C12orf42: variants seen among roughly 807,000 people sequenced by gnomAD.
C12orf42 encodes the protein chromosome 12 open reading frame 42.
Under a neutral mutation model 21.6 loss-of-function variants are expected in C12orf42, and 25 were observed. The observed-to-expected ratio is 1.16, with a 90% confidence interval of 0.84 to 1.62. C12orf42 has a LOEUF of 1.62. C12orf42 is among the 40% of genes most tolerant of loss of function. The probability of loss-of-function intolerance (pLI) is 0.00; values close to 1 mark genes in which losing one functional copy is unlikely to be tolerated. For synonymous variants in C12orf42, 174 were observed against 175.0 expected, an observed-to-expected ratio of 0.99 and a Z score of 0.05; for missense variants, 483 against 459.3, an observed-to-expected ratio of 1.05 and a Z score of -0.47.
the C12orf42 span, among the ~76,000 whole-genome samples, chr12:103,152,703 A>C: frequency 2.0e-5 from 3 of 152,156 alleles, no homozygotes; most frequent in African/African-American, 4.8e-5. Context: ...TATAGTAATC[A>C]TATTTTGTGG....
At chr12:103,500,509 T>A (rs1014843847), upstream of C12orf42, among the ~76,000 whole-genome samples, 1 of 152,192 alleles carries the variant, frequency 6.6e-6, no homozygotes, top group Non-Finnish European at 1.5e-5. Flanking sequence ...AACAAAGATA[T>A]GCTCACACAA....
the C12orf42 span, among the ~76,000 whole-genome samples, chr12:103,508,267 G>A: frequency 2.0e-5 from 3 of 152,126 alleles, no homozygotes; most frequent in African/African-American, 4.8e-5. Context: ...AGAATAGAAG[G>A]TGGCCATACG....
chr12:103,410,810 T>G (rs2048783905), intron 2 of C12orf42, among the ~76,000 whole-genome samples: 1 of 152,214 alleles, frequency 6.6e-6, no homozygotes, highest in African/African-American at 2.4e-5. Flanking sequence ...AGACTCTGTA[T>G]GTTCATGTCT....
intron 2 of C12orf42, among the ~76,000 whole-genome samples, chr12:103,468,792 T>C (rs1437734656): frequency 6.6e-6 from 1 of 152,210 alleles, no homozygotes; most frequent in Non-Finnish European, 1.5e-5. Context: ...TTTTCCCTTT[T>C]TGTAGAACTA....
chr12:103,094,469 A>G, the C12orf42 span, among the ~76,000 whole-genome samples: 1 of 152,130 alleles, frequency 6.6e-6, no homozygotes, highest in African/African-American at 2.4e-5. Context: ...AGGTATTTCT[A>G]GGTATTCATT....
intron 1 of C12orf42, among the ~76,000 whole-genome samples, chr12:103,491,929 A>G (rs919107007): frequency 6.7e-6 from 1 of 148,786 alleles, no homozygotes. Flanking sequence ...CCAACTTGTT[A>G]GAAACTCCTT....
At position 103,467,570 on chromosome 12, in the gene C12orf42, G is replaced by A. The variant is rs563705877; in HGVS notation, c.78+10779C>T. Among the ~76,000 whole-genome samples the A allele has an allele frequency of 6.6e-5, 10 of 152,230 alleles. No individual in the cohort carries two copies. The East Asian group carries it at 1.7e-3, about 26-fold the overall frequency. ...GACCCGCTGGAGGGTAGAACAGGTG[G>A]GTTGATGTCTGCTATATTTCCTCTT... On this transcript the variant is annotated intron_variant, in intron 2 of 5. Coordinates refer to ENST00000548883, the MANE Select transcript of C12orf42 (RefSeq NM_198521.5).
At chr12:103,191,541 T>C in the C12orf42 span, among the ~76,000 whole-genome samples, 4 of 24,270 alleles carry the variant, frequency 1.6e-4, no homozygotes, top group Non-Finnish European at 2.7e-4. Flanking sequence ...ACCTCCACTC[T>C]ACAAAAAAAA....
intron 2 of C12orf42, among the ~76,000 whole-genome samples, chr12:103,477,515 T>C (rs1954149161): frequency 6.6e-6 from 1 of 152,032 alleles, no homozygotes; most frequent in African/African-American, 2.4e-5. Context: ...CAAATGTGAT[T>C]AAGAACCTTG....
In C12orf42 at chr12:103,306,004, G is replaced by C; in HGVS notation, c.601C>G (p.Gln201Glu). Residue 201 changes from glutamine to glutamate, a missense_variant, in exon 5 of 6, where the codon CAG (glutamine) becomes GAG (glutamate). Coordinates refer to ENST00000548883, the MANE Select transcript of C12orf42 (RefSeq NM_198521.5). ...HISRHTRPKG[Q>E]PLSSPKKNSG... ...TTTTTCTTGGGACTGCTCAAGGGCT[G>C]GCCCTTAGGTCTTGTGTGTCTACTG... The C allele has an allele frequency of 6.2e-7, 1 of 1,611,012 alleles. No individual in the cohort carries two copies. Among genetic ancestry groups the C allele is most frequent in the Non-Finnish European group, 8.5e-7 (1 of 1,177,372 alleles).
intron 2 of C12orf42, among the ~76,000 whole-genome samples, chr12:103,448,047 C>T (rs976986591): frequency 6.6e-6 from 1 of 151,994 alleles, no homozygotes; most frequent in African/African-American, 2.4e-5. Context: ...TCAAACTATA[C>T]TATAATGCCA....
chr12:103,436,478 C>G (rs1195436554), intron 2 of C12orf42, among the ~76,000 whole-genome samples: 1 of 151,808 alleles, frequency 6.6e-6, no homozygotes, highest in East Asian at 1.9e-4. Context: ...AGAGTCAAGA[C>G]CCATCAATGT....
rs573989625 is a variant in C12orf42 at position 103,368,137 on chromosome 12, T to C, written c.259+750A>G. On this transcript the variant is annotated intron_variant, in intron 4 of 5. Coordinates refer to ENST00000548883, the MANE Select transcript of C12orf42 (RefSeq NM_198521.5). ...AATGGAGTTTATGGACAGTCGCAGGTTGTCAAAATCATCTATGGTGACAAT... is the reference window on the plus strand; with the variant it reads ...AATGGAGTTTATGGACAGTCGCAGGCTGTCAAAATCATCTATGGTGACAAT... 4 of 1,031,368 alleles carry C rather than the reference T, an allele frequency of 3.9e-6. No individual in the cohort carries two copies. The South Asian group carries it at 5.3e-5, about 14-fold the overall frequency. 63.9% of individuals were successfully genotyped at this position (1,031,368 alleles called of 1,614,324 possible).
intron 2 of C12orf42, among the ~76,000 whole-genome samples, chr12:103,425,377 G>T (rs12302389): frequency 6.6e-6 from 1 of 152,016 alleles, no homozygotes; most frequent in Admixed American, 6.5e-5. Context: ...CCTGCCCCCC[G>T]TGCCTCCTGA....
chr12:103,164,459 G>A, the C12orf42 span: 1 of 455,634 alleles, frequency 2.2e-6, no homozygotes. Flanking sequence ...GCAAATAGGT[G>A]CTGGACGAAT....
At chr12:103,100,603 G>A in the C12orf42 span, among the ~76,000 whole-genome samples, 2 of 152,100 alleles carry the variant, frequency 1.3e-5, no homozygotes, top group East Asian at 3.9e-4. Context: ...TGTTGCTATT[G>A]GTTGGCCCAA....
intron 2 of C12orf42, among the ~76,000 whole-genome samples, chr12:103,473,695 C>T (rs1953803025): frequency 6.6e-6 from 1 of 152,164 alleles, no homozygotes. Flanking sequence ...ATGCATTTTC[C>T]AGTGTCTTGA....
At chr12:103,127,221 C>CT in the C12orf42 span, among the ~76,000 whole-genome samples, 1 of 152,156 alleles carries the variant, frequency 6.6e-6, no homozygotes, top group East Asian at 1.9e-4. Flanking sequence ...GAAAATATCA[C>CT]TAAGTTTTTT....
chr12:103,253,920 G>A (rs2136201721), intron 10 of C12orf42, among the ~76,000 whole-genome samples: 1 of 151,994 alleles, frequency 6.6e-6, no homozygotes, highest in South Asian at 2.1e-4. Context: ...CTCCCACTCG[G>A]TAGGTTGTCT....
Sources: gnomAD v4.1 joint callset for allele counts (sites outside exome capture counted in the v4.1 genomes callset) on GRCh38, gnomAD v4.1.1 for gene constraint, MANE v1.5 for transcripts, NCBI Gene and HGNC (gene_info 2026-07-23, HGNC 2026-07-21) for gene names.